The following LRP1B variants were observed in gnomAD, a reference collection of about 807,000 sequenced individuals.
LRP1B encodes the protein low-density lipoprotein receptor-related protein 1B.
LRP1B carries 217 observed loss-of-function variants against 556.6 expected under a neutral mutation model. The observed-to-expected ratio is 0.39, with a 90% CI of 0.35 to 0.44. The LOEUF is 0.44. Ranked by LOEUF, LRP1B falls within the 20% of genes least tolerant of loss-of-function variation. LRP1B has a pLI of 1.00. For synonymous variants in LRP1B, 2,047 were observed against 1,865.8 expected (o/e 1.10, Z -2.50); for missense variants, 5,053 against 5,620.8 (o/e 0.90, Z 3.23).
At chr2:140,351,607 T>C (rs1398519180) in intron 76 of LRP1B, among the ~76,000 whole-genome samples, 1 of 152,136 alleles carries the variant, frequency 6.6e-6, no homozygotes, top group Non-Finnish European at 1.5e-5. Context: ...AGTGTAACAT[T>C]CTATTCTAAA....
Position 140,501,718 on chromosome 2 carries a change from T to C in LRP1B, c.8819A>G (p.Gln2940Arg). ...ACTGACCGGAAGGTCTTGACAGTCT[T>C]GAGAACATCCACTGACTTTCTTACT... ...CLSKKVSGCS[Q>R]DCQDLPVSYK... Residue 2940 changes from glutamine (Q) to arginine (R), a missense_variant, in exon 55 of 91, where the codon CAA becomes CGA. Transcript: ENST00000389484. 6.2e-7 allele frequency: 1 copy of C among 1,612,112 alleles called. No individual in the cohort carries two copies. The highest frequency in any genetic ancestry group is 1.3e-5 in the African/African-American group (1 of 74,970).
intron 11 of LRP1B, among the ~76,000 whole-genome samples, chr2:141,048,001 C>G (rs1405730677): frequency 6.6e-6 from 1 of 151,844 alleles, no homozygotes; most frequent in Non-Finnish European, 1.5e-5. Flanking sequence ...CAGCTTTGAA[C>G]TTATTAATTA....
At chr2:142,044,464 G>A (rs1476443683) in intron 1 of LRP1B, among the ~76,000 whole-genome samples, 1 of 151,700 alleles carries the variant, frequency 6.6e-6, no homozygotes, top group Non-Finnish European at 1.5e-5. Context: ...TGCTCCTCCT[G>A]CAGAGCAGAA....
chr2:141,507,818 G>A (rs75723406), intron 2 of LRP1B, among the ~76,000 whole-genome samples: 4,149 of 152,150 alleles, frequency 0.027, 96 homozygotes, highest in Non-Finnish European at 0.037. Context: ...GGGTGTGGTG[G>A]CTCACATCTG....
chr2:141,810,791 A>G (rs1028564605), intron 1 of LRP1B, among the ~76,000 whole-genome samples: 1 of 152,168 alleles, frequency 6.6e-6, no homozygotes, highest in Non-Finnish European at 1.5e-5. Context: ...CTCTGAGAGA[A>G]AGAAAAAATT....
chr2:141,922,315 A>C (rs751419173), intron 1 of LRP1B, among the ~76,000 whole-genome samples: 6 of 152,186 alleles, frequency 3.9e-5, no homozygotes, highest in Non-Finnish European at 7.3e-5. Context: ...AACTATGACA[A>C]GCTTCATCTC....
At chr2:141,957,408 A>C in intron 1 of LRP1B, among the ~76,000 whole-genome samples, 3 of 143,688 alleles carry the variant, frequency 2.1e-5, no homozygotes, top group Non-Finnish European at 3.0e-5. Flanking sequence ...GGGGGGGTGT[A>C]CACTCCCAGC....
At chr2:140,478,193 A>T (rs909615176) in intron 59 of LRP1B, among the ~76,000 whole-genome samples, 1 of 122,206 alleles carries the variant, frequency 8.2e-6, no homozygotes, top group Non-Finnish European at 1.6e-5. Flanking sequence ...TCTGTTGCCC[A>T]CGCTGGAGTG....
chr2:141,337,951 G>T (rs558652367), intron 3 of LRP1B, among the ~76,000 whole-genome samples: 5 of 152,106 alleles, frequency 3.3e-5, no homozygotes, highest in Non-Finnish European at 7.4e-5. Flanking sequence ...TATATTTTCC[G>T]AATGATGTTA....
intron 23 of LRP1B, among the ~76,000 whole-genome samples, chr2:140,895,885 T>C (rs1693939781): frequency 6.6e-6 from 1 of 152,094 alleles, no homozygotes; most frequent in African/African-American, 2.4e-5. Flanking sequence ...TTTCTCTTCT[T>C]CTCTGCTGCT....
intron 84 of LRP1B, among the ~76,000 whole-genome samples, chr2:140,276,721 A>C (rs1458423881): frequency 6.6e-6 from 1 of 151,986 alleles, no homozygotes; most frequent in Admixed American, 6.6e-5. Flanking sequence ...CTGATGAGAC[A>C]TAGAAGTCTA....
intron 86 of LRP1B, among the ~76,000 whole-genome samples, chr2:140,252,764 G>A (rs941384184): frequency 2.0e-5 from 3 of 152,124 alleles, no homozygotes; most frequent in African/African-American, 7.2e-5. Context: ...CCCTGTCTGC[G>A]ACAGTGAGGG....
At chr2:141,975,458 C>T (rs966679433) in intron 1 of LRP1B, among the ~76,000 whole-genome samples, 8 of 151,980 alleles carry the variant, frequency 5.3e-5, no homozygotes, top group African/African-American at 1.9e-4. Flanking sequence ...TCAGCAGGCG[C>T]TATCCCAGGC....
At chr2:140,927,794 C>T (rs1332215703) in intron 20 of LRP1B, among the ~76,000 whole-genome samples, 1 of 149,234 alleles carries the variant, frequency 6.7e-6, no homozygotes, top group Non-Finnish European at 1.5e-5. Context: ...GCAACCTCTG[C>T]CTCCCGGGTT....
intron 30 of LRP1B, 95 bp downstream of exon 30, chr2:140,840,823 T>G (rs2105096651): frequency 1.1e-6 from 1 of 911,970 alleles, no homozygotes; most frequent in African/African-American, 1.7e-5. Context: ...GGCTGTTATA[T>G]ATATATCCTC....
chr2:140,541,872 T>G lies in LRP1B; in HGVS notation c.7294A>C (p.Asn2432His), dbSNP rs539043900. 3.7e-5 allele frequency: 59 copies of G among 1,613,028 alleles called. 1 individual carries two copies. The South Asian group carries it at 4.1e-4, about 11-fold the overall frequency. Residue 2432 changes from asparagine to histidine, a missense_variant, in exon 44 of 91, where the codon AAC becomes CAC. By Grantham distance (68) the Asn-to-His change is moderately conservative (BLOSUM62 1). Transcript: ENST00000389484. ...TTTGTATCTCCTCCTGTGTACTTGT[T>G]GGACCGCAGTATAGCTCTTCTTCCC... is the stretch of plus-strand genomic sequence containing the variant. ...DWGRRAILRSNKYTGGDTKIL... is the reference protein window; with the variant it reads ...DWGRRAILRSHKYTGGDTKIL...
Position 140,354,087 on chromosome 2 carries a change from G to A in LRP1B, c.11531-1015C>T, listed in dbSNP as rs370806156. On this transcript the variant is annotated intron_variant, in intron 75 of 90. Coordinates refer to ENST00000389484, the MANE Select transcript of LRP1B (RefSeq NM_018557.3). ...CAGGATTGAGGCCAGGTGATTCTAG[G>A]GAATTATCTAATTTTCCTCTCTTTT... Among the ~76,000 whole-genome samples, 44 of 152,024 alleles carry A rather than the reference G, an allele frequency of 2.9e-4. No homozygotes were observed. In the South Asian group the frequency reaches 8.9e-3, roughly 31 times the overall value.
chr2:140,306,501 C>T (rs1684072669), intron 83 of LRP1B, among the ~76,000 whole-genome samples: 1 of 151,898 alleles, frequency 6.6e-6, no homozygotes, highest in Non-Finnish European at 1.5e-5. Context: ...GTGGTGATAT[C>T]CCCTTTATTG....
At chr2:141,255,657 T>C (rs1191746610) in intron 3 of LRP1B, among the ~76,000 whole-genome samples, 7 of 151,976 alleles carry the variant, frequency 4.6e-5, no homozygotes. Flanking sequence ...ACCTCTTTCC[T>C]AATATTCTGT....
Sources: gnomAD v4.1 joint callset for allele counts (sites outside exome capture counted in the v4.1 genomes callset) on GRCh38, gnomAD v4.1.1 for gene constraint, MANE v1.5 for transcripts, NCBI Gene and HGNC (gene_info 2026-07-23, HGNC 2026-07-21) for gene names.